Variants in LRRC7 observed in about 807,000 individuals in gnomAD.
The protein encoded by LRRC7 is leucine-rich repeat-containing protein 7.
Under a neutral mutation model 175.7 loss-of-function variants are expected in LRRC7, and 23 were observed. The ratio of observed to expected loss-of-function variants is 0.13; its 90% CI spans 0.09 to 0.19. The LOEUF (loss-of-function observed/expected upper bound fraction) is 0.19. Among genes scored for constraint, LRRC7 ranks in the 10% least tolerant of loss-of-function variants. The probability of loss-of-function intolerance (pLI) is 1.00; values close to 1 mark genes in which losing one functional copy is unlikely to be tolerated. For missense variants in LRRC7, 1,354 were observed against 1,904.7 expected, an observed-to-expected ratio of 0.71 and a Z score of 5.38; for synonymous variants, 685 against 680.9, an observed-to-expected ratio of 1.01 and a Z score of -0.09.
intron 2 of LRRC7, among the ~76,000 whole-genome samples, chr1:69,691,096 G>A (rs984028768): frequency 6.6e-6 from 1 of 152,154 alleles, no homozygotes; most frequent in African/African-American, 2.4e-5. Flanking sequence ...AACAGGGTCT[G>A]GGTGATTCTG....
intron 4 of LRRC7, among the ~76,000 whole-genome samples, chr1:69,819,033 A>G (rs867268513): frequency 5.3e-5 from 8 of 152,042 alleles, no homozygotes; most frequent in African/African-American, 1.7e-4. Context: ...CTCAAAAAAA[A>G]CAAATTCTAG....
In LRRC7 at chr1:70,038,220, G is replaced by A. The variant is rs751306267; in HGVS notation, c.2396G>A (p.Ser799Asn). ...IPQRPDRLPM[S>N]DTFTDNWTDG... ...CAGCGTCCTGACCGGCTGCCCATGA[G>A]TGATACTTTCACTGACAACTGGACT... Residue 799 changes from serine (S) to asparagine (N), a missense_variant, in exon 21 of 27, where the codon AGT becomes AAT. Physicochemically the swap from Ser to Asn is conservative, Grantham distance 46. Coordinates refer to ENST00000651989, the MANE Select transcript of LRRC7 (RefSeq NM_001370785.2). 3.1e-6 allele frequency: 5 copies of A among 1,614,028 alleles called. No homozygotes were observed. Among genetic ancestry groups the A allele is most frequent in the Non-Finnish European group, 4.2e-6 (5 of 1,180,032 alleles).
chr1:69,769,291 T>A (rs1455298978), intron 3 of LRRC7, among the ~76,000 whole-genome samples: 2 of 152,192 alleles, frequency 1.3e-5, no homozygotes, highest in Admixed American at 1.3e-4. Context: ...CTCCTACAAT[T>A]GTGGTGATGA....
At chr1:69,972,593 G>A (rs925227883) in intron 8 of LRRC7, among the ~76,000 whole-genome samples, 4 of 152,050 alleles carry the variant, frequency 2.6e-5, no homozygotes, top group South Asian at 2.1e-4. Flanking sequence ...TGCAAGAATG[G>A]CCATAATCAA....
chr1:70,106,711 T>C (rs1665170579), intron 25 of LRRC7, among the ~76,000 whole-genome samples: 1 of 152,170 alleles, frequency 6.6e-6, no homozygotes, highest in Non-Finnish European at 1.5e-5. Context: ...ACTACCACCC[T>C]TCCATCAGCA....
At chr1:69,815,039 C>T (rs1382858794) in intron 4 of LRRC7, among the ~76,000 whole-genome samples, 2 of 152,082 alleles carry the variant, frequency 1.3e-5, no homozygotes, top group African/African-American at 2.4e-5. Context: ...ATTAGTTGTT[C>T]TTTCACTTAT....
At chr1:69,608,655 A>C (rs1023636942) in intron 1 of LRRC7, among the ~76,000 whole-genome samples, 1 of 151,958 alleles carries the variant, frequency 6.6e-6, no homozygotes, top group African/African-American at 2.4e-5. Flanking sequence ...ATATTTGTTA[A>C]GTGCTTAAAC....
intron 3 of LRRC7, among the ~76,000 whole-genome samples, chr1:69,778,827 T>C (rs934850786): frequency 6.6e-6 from 1 of 151,882 alleles, no homozygotes; most frequent in Non-Finnish European, 1.5e-5. Flanking sequence ...TTAGGCCTTT[T>C]GTCACTCATG....
At chr1:70,089,543 A>G (rs1010572126) in intron 24 of LRRC7, among the ~76,000 whole-genome samples, 184 bp from the exon 25 acceptor site, 2 of 152,184 alleles carry the variant, frequency 1.3e-5, no homozygotes. Flanking sequence ...TTCCATCATA[A>G]CTGATGCATA....
chr1:69,669,618 G>A (rs768193594), intron 1 of LRRC7, among the ~76,000 whole-genome samples: 7 of 152,030 alleles, frequency 4.6e-5, no homozygotes, highest in Middle Eastern at 3.2e-3. Flanking sequence ...TCTTTCTTAG[G>A]TGAGGAGTTA....
chr1:69,880,780 T>G (rs1279818781), intron 7 of LRRC7, among the ~76,000 whole-genome samples: 1 of 152,056 alleles, frequency 6.6e-6, no homozygotes, highest in Non-Finnish European at 1.5e-5. Context: ...AAAGAAGAAG[T>G]TTTACAAAAA....
intron 7 of LRRC7, among the ~76,000 whole-genome samples, chr1:69,886,643 A>T (rs1214602166): frequency 6.8e-6 from 1 of 147,610 alleles, no homozygotes; most frequent in Non-Finnish European, 1.5e-5. Flanking sequence ...GTTATGTGTG[A>T]ATTTGATCCT....
intron 10 of LRRC7, among the ~76,000 whole-genome samples, chr1:69,988,107 C>G (rs1281816896): frequency 1.3e-5 from 2 of 152,162 alleles, no homozygotes; most frequent in African/African-American, 2.4e-5. Context: ...TAATACATAA[C>G]CTTACACTCC....
intron 21 of LRRC7, 81 bp downstream of exon 21, chr1:70,039,874 A>G: frequency 1.4e-6 from 2 of 1,455,084 alleles, no homozygotes; most frequent in Non-Finnish European, 1.8e-6. Context: ...CATGTAGTGA[A>G]GCATGAACTA....
At chr1:69,778,001 T>C (rs1469171355) in intron 3 of LRRC7, among the ~76,000 whole-genome samples, 1 of 152,190 alleles carries the variant, frequency 6.6e-6, no homozygotes, top group Non-Finnish European at 1.5e-5. Flanking sequence ...GAGGCCTCTA[T>C]AGTCTGGCTA....
intron 1 of LRRC7, among the ~76,000 whole-genome samples, chr1:69,600,727 A>T (rs1197149922): frequency 2.1e-5 from 3 of 145,072 alleles, no homozygotes; most frequent in Non-Finnish European, 4.5e-5. Context: ...AGTACAAGAT[A>T]CTCCAGGCTT....
intron 7 of LRRC7, chr1:69,919,955 A>AG: frequency 1.7e-6 from 1 of 585,092 alleles, no homozygotes; most frequent in Non-Finnish European, 3.1e-6. Context: ...AATGGCTGGG[A>AG]GGGGGCCCTT....
intron 2 of LRRC7, among the ~76,000 whole-genome samples, chr1:69,711,247 A>G (rs1664716780): frequency 6.6e-6 from 1 of 152,202 alleles, no homozygotes; most frequent in Non-Finnish European, 1.5e-5. Context: ...CCTGTAATTC[A>G]ATCTAAATAT....
chr1:69,931,011 A>G (rs1647319758), intron 7 of LRRC7, among the ~76,000 whole-genome samples: 1 of 152,234 alleles, frequency 6.6e-6, no homozygotes, highest in Admixed American at 6.5e-5. Context: ...ACAACTATTC[A>G]TAGCTATAGC....
Sources: allele counts gnomAD v4.1 joint callset (sites outside exome capture counted in the v4.1 genomes callset), GRCh38; gene constraint gnomAD v4.1.1; transcripts MANE v1.5; gene names NCBI Gene and HGNC (gene_info 2026-07-23, HGNC 2026-07-21).